The following METTL15 variants were observed in gnomAD, a reference collection of about 807,000 sequenced individuals.
The protein encoded by METTL15 is methyltransferase 15, mitochondrial 12S rRNA N4-cytidine, also known as 12S rRNA N(4)-cytidine methyltransferase METTL15.
In METTL15, 34 loss-of-function variants were observed where a neutral mutation model predicts 38.3. The ratio of observed to expected loss-of-function variants is 0.89; its 90% CI spans 0.68 to 1.18. The LOEUF (loss-of-function observed/expected upper bound fraction) is 1.18. METTL15 is among the 50% of genes most tolerant of loss of function. The pLI, the probability that METTL15 is intolerant of heterozygous loss-of-function variation, is 0.00. For missense variants in METTL15, 438 were observed against 498.4 expected, an observed-to-expected ratio of 0.88 and a Z score of 1.15; for synonymous variants, 162 against 170.9, an observed-to-expected ratio of 0.95 and a Z score of 0.41.
chr11:28,118,963 AAAAG>A (rs1410568269), intron 3 of METTL15, among the ~76,000 whole-genome samples: 1 of 152,190 alleles, frequency 6.6e-6, no homozygotes, highest in African/African-American at 2.4e-5. Flanking sequence ...GCTAGATTAA[AAAAG>A]AAATTCAGGA....
intron 4 of METTL15, among the ~76,000 whole-genome samples, chr11:28,219,860 G>A (rs1332269637): frequency 6.6e-6 from 1 of 152,158 alleles, no homozygotes; most frequent in Non-Finnish European, 1.5e-5. Context: ...TTTCCATGTA[G>A]TTGAGTGGTT....
intron 6 of METTL15, among the ~76,000 whole-genome samples, chr11:28,480,292 T>C (rs1273165204): frequency 3.9e-5 from 6 of 152,200 alleles, no homozygotes; most frequent in African/African-American, 1.4e-4. Context: ...TGTGACTGAT[T>C]TTAAGCTACC....
At chr11:28,264,503 C>T (rs1017388966) in intron 4 of METTL15, among the ~76,000 whole-genome samples, 2 of 152,008 alleles carry the variant, frequency 1.3e-5, no homozygotes, top group African/African-American at 4.8e-5. Context: ...ACACTGTCTT[C>T]CCAGATTCTA....
chr11:28,412,263 A>C (rs1850734044), intron 5 of METTL15, among the ~76,000 whole-genome samples: 1 of 152,022 alleles, frequency 6.6e-6, no homozygotes, highest in Non-Finnish European at 1.5e-5. Flanking sequence ...AAGGAGATGA[A>C]ATTACCACCT....
intron 6 of METTL15, among the ~76,000 whole-genome samples, chr11:28,312,594 G>A (rs1298402114): frequency 6.6e-6 from 1 of 152,052 alleles, no homozygotes; most frequent in Non-Finnish European, 1.5e-5. Flanking sequence ...AGTCAATTTT[G>A]TGCTGCTATA....
chr11:28,420,009 C>A lies in METTL15; in HGVS notation c.*359-4290C>A, dbSNP rs575084464. Among the ~76,000 whole-genome samples, 6 of 152,140 alleles carry A rather than the reference C, an allele frequency of 3.9e-5. No individual in the cohort carries two copies. The East Asian group carries it at 1.2e-3, about 29-fold the overall frequency. ...AAAAAAGAATAAAAGAGAATGAAGA[C>A]CGTCTACAAGATCTAGAAAATATAG... On this transcript the variant is annotated intron_variant and NMD_transcript_variant, in intron 5 of 7. Coordinates refer to the METTL15 transcript ENST00000532947.
chr11:28,382,626 G>T (rs189474537), intron 5 of METTL15, among the ~76,000 whole-genome samples: 3 of 152,160 alleles, frequency 2.0e-5, no homozygotes, highest in Non-Finnish European at 4.4e-5. Context: ...CTGAGGTTAG[G>T]AGTTCAAGAC....
intron 3 of METTL15, among the ~76,000 whole-genome samples, chr11:28,180,006 C>A (rs1431777429): frequency 6.6e-6 from 1 of 151,574 alleles, no homozygotes; most frequent in African/African-American, 2.4e-5. Context: ...ATATTAAGTA[C>A]CCCTGAGAAA....
intron 4 of METTL15, among the ~76,000 whole-genome samples, chr11:28,284,684 C>T (rs75878902): frequency 0.017 from 2,582 of 152,246 alleles, 121 homozygotes; most frequent in East Asian, 0.12. Flanking sequence ...AATTCTAAAA[C>T]TAATTTCATC....
intron 6 of METTL15, among the ~76,000 whole-genome samples, chr11:28,474,874 A>G (rs1186533747): frequency 3.3e-5 from 5 of 152,204 alleles, no homozygotes; most frequent in Admixed American, 3.3e-4. Context: ...TAATGGTGGT[A>G]CTTGGTCATT....
At chr11:28,136,914 A>C (rs945587837) in intron 3 of METTL15, among the ~76,000 whole-genome samples, 5 of 152,294 alleles carry the variant, frequency 3.3e-5, no homozygotes, top group African/African-American at 1.2e-4. Flanking sequence ...AAAAAAAAAA[A>C]AGGTAAAACC....
rs116292506 is a variant in METTL15 at position 28,258,234 on chromosome 11, G to C, written c.408-31972G>C. 3.2e-3 allele frequency among the ~76,000 whole-genome samples: 491 copies of C among 152,238 alleles called. 2 individuals carry two copies. Among genetic ancestry groups the C allele is most frequent in the African/African-American group, 0.012 (480 of 41,546 alleles). Reference sequence around the variant, plus strand: ...CCCTTACTTTCTTCTAAACAATGGGGTATCTCTCTCTGTTCTGAGCTACCT... The same window carrying C: ...CCCTTACTTTCTTCTAAACAATGGGCTATCTCTCTCTGTTCTGAGCTACCT... On this transcript the variant is annotated intron_variant, in intron 4 of 6. Coordinates refer to ENST00000407364, the MANE Select transcript of METTL15 (RefSeq NM_001113528.2).
downstream of METTL15, among the ~76,000 whole-genome samples, chr11:28,334,677 A>C (rs952282319): frequency 1.3e-5 from 2 of 152,254 alleles, no homozygotes; most frequent in Middle Eastern, 3.4e-3. Flanking sequence ...TATTTTCTCA[A>C]ATCTTATCTG....
intron 5 of METTL15, among the ~76,000 whole-genome samples, chr11:28,384,120 T>C (rs955446221): frequency 6.6e-6 from 1 of 152,162 alleles, no homozygotes; most frequent in African/African-American, 2.4e-5. Context: ...TCCATCTATG[T>C]CCCTGCAATG....
At chr11:28,266,708 A>G (rs1402410902) in intron 4 of METTL15, among the ~76,000 whole-genome samples, 1 of 152,116 alleles carries the variant, frequency 6.6e-6, no homozygotes, top group African/African-American at 2.4e-5. Context: ...TGTGCCATCT[A>G]CTTTCTCTTA....
chr11:28,194,212 T>TCTC (rs1851823445), intron 3 of METTL15, among the ~76,000 whole-genome samples: 2 of 135,522 alleles, frequency 1.5e-5, no homozygotes, highest in East Asian at 2.3e-4. Flanking sequence ...TCTCTCTCTC[T>TCTC]TAATATATGG....
chr11:28,366,343 T>C (rs1226913666), intron 5 of METTL15, among the ~76,000 whole-genome samples: 1 of 152,156 alleles, frequency 6.6e-6, no homozygotes, highest in Non-Finnish European at 1.5e-5. Flanking sequence ...TGAGGCATTA[T>C]ATCCATCTAT....
chr11:28,126,714 C>G (rs1248579556), intron 3 of METTL15, among the ~76,000 whole-genome samples: 1 of 152,102 alleles, frequency 6.6e-6, no homozygotes, highest in African/African-American at 2.4e-5. Context: ...GTACAATGCA[C>G]TTAGTACTGG....
At chr11:28,474,300 T>G (rs977288464) in intron 6 of METTL15, among the ~76,000 whole-genome samples, 1 of 152,064 alleles carries the variant, frequency 6.6e-6, no homozygotes. Context: ...GTGATAAATA[T>G]ACACTAATTT....
Sources: allele counts gnomAD v4.1 joint callset (sites outside exome capture counted in the v4.1 genomes callset), GRCh38; gene constraint gnomAD v4.1.1; transcripts MANE v1.5; gene names NCBI Gene and HGNC (gene_info 2026-07-23, HGNC 2026-07-21).